Variants in DNAH8 observed in about 807,000 individuals in gnomAD.
DNAH8 encodes the protein axonemal beta dynein heavy chain 8.
In DNAH8, 382 loss-of-function variants were observed where a neutral mutation model predicts 562.1. That is an observed-to-expected ratio of 0.68 (90% CI 0.63 to 0.74). The LOEUF (loss-of-function observed/expected upper bound fraction) is 0.74. DNAH8 is among the 30% of genes least tolerant of loss of function. The pLI, the probability that DNAH8 is intolerant of heterozygous loss-of-function variation, is 0.00. For synonymous variants in DNAH8, 1,881 were observed against 1,919.4 expected, an observed-to-expected ratio of 0.98 and a Z score of 0.52; for missense variants, 5,203 against 5,620.4, an observed-to-expected ratio of 0.93 and a Z score of 2.37.
At chr6:38,788,027 TATAAG>T (rs1769342521) in intron 18 of DNAH8, among the ~76,000 whole-genome samples, 1 of 152,190 alleles carries the variant, frequency 6.6e-6, no homozygotes. Context: ...AAATATGAGT[TATAAG>T]ATAACTATAC....
At chr6:39,012,736 G>A (rs565264753) in intron 91 of DNAH8, 99 bp downstream of exon 91, 341 of 886,190 alleles carry the variant, frequency 3.8e-4, no homozygotes, top group Non-Finnish European at 5.5e-4. Context: ...ATATGGAGGC[G>A]TAGCTTGCTG....
chr6:38,873,102 G>A lies in DNAH8; in HGVS notation c.7434G>A (p.Met2478Ile). 1.9e-6 allele frequency: 3 copies of A among 1,613,886 alleles called. No homozygotes were observed. The highest frequency in any genetic ancestry group is 2.5e-6 in the Non-Finnish European group (3 of 1,179,982). The change falls in exon 51 of 93, where the codon ATG (methionine) becomes ATA (isoleucine). Residue 2478 changes from methionine (M) to isoleucine (I), a missense_variant. By Grantham distance (10) the Met-to-Ile change is conservative. Around this residue, in one of 6 missense-constraint regions of DNAH8, gnomAD observed 977 missense variants for 1,061.8 expected, o/e 0.92. Transcript: ENST00000327475. The stretch of plus-strand genomic sequence containing the variant: ...CTGCCACGGTTTCTAGGATGGGCAT[G>A]GTCTATATCAGCAGCTCTGCTCTCA... Reference protein sequence around the residue: ...ASPATVSRMGMVYISSSALSW... With the variant: ...ASPATVSRMGIVYISSSALSW...
intron 41 of DNAH8, among the ~76,000 whole-genome samples, chr6:38,856,893 T>C (rs1776247894): frequency 6.6e-6 from 1 of 152,122 alleles, no homozygotes; most frequent in Admixed American, 6.5e-5. Flanking sequence ...GGGTGGGGCA[T>C]GCTCAGACCA....
At chr6:38,983,973 G>A (rs567391463) in intron 86 of DNAH8, among the ~76,000 whole-genome samples, 116 of 152,004 alleles carry the variant, frequency 7.6e-4, no homozygotes, top group African/African-American at 2.5e-3. Flanking sequence ...AATAATATAC[G>A]TGCAATATAC....
chr6:38,751,256 T>C (rs1015714036), intron 9 of DNAH8, among the ~76,000 whole-genome samples: 5 of 152,176 alleles, frequency 3.3e-5, no homozygotes, highest in Non-Finnish European at 7.3e-5. Context: ...GCAACTTGCT[T>C]CCCTTGGAGT....
In DNAH8 at chr6:38,929,495, A is replaced by C; in HGVS notation, c.11119-16A>C. On this transcript the variant is annotated splice_polypyrimidine_tract_variant and intron_variant, in intron 74 of 92. Transcript: ENST00000327475. ...TCTTTGTAACACAGATAGACCAATG[A>C]GTTCTTTCTGTTTAGGTGACATCTC... is the stretch of plus-strand genomic sequence containing the variant. The C allele has an allele frequency of 6.2e-7, 1 of 1,602,074 alleles. No individual in the cohort carries two copies. Among genetic ancestry groups the C allele is most frequent in the African/African-American group, 1.3e-5 (1 of 74,540 alleles).
chr6:38,791,015 A>G (rs1769691088), intron 20 of DNAH8, among the ~76,000 whole-genome samples: 1 of 152,152 alleles, frequency 6.6e-6, no homozygotes, highest in African/African-American at 2.4e-5. Context: ...GTGCTTAAAT[A>G]TTAATATTAA....
chr6:38,793,544 T>A (rs1769951496), intron 21 of DNAH8, among the ~76,000 whole-genome samples: 1 of 152,226 alleles, frequency 6.6e-6, no homozygotes, highest in African/African-American at 2.4e-5. Flanking sequence ...GATTTTGTTC[T>A]TGTAAAGAAC....
chr6:38,759,677 C>A (rs7756407), intron 10 of DNAH8, among the ~76,000 whole-genome samples: 56 of 152,030 alleles, frequency 3.7e-4, no homozygotes, highest in Non-Finnish European at 6.2e-4. Context: ...AAGAACCCCC[C>A]ATTCTTGATA....
rs192199356 is a variant in DNAH8, at chr6:38,828,120, C to T, written c.4084-64C>T. On this transcript the variant is annotated intron_variant, in intron 29 of 92. Coordinates refer to ENST00000327475, the MANE Select transcript of DNAH8 (RefSeq NM_001206927.2). ...GACATAGGAATGTGTTTCTAGAAGG[C>T]GTCTAAATCATTTGGCAATGGCTTT... 4.8e-4 allele frequency: 468 copies of T among 978,876 alleles called. 1 individual carries two copies. In the African/African-American group the frequency reaches 6.5e-3, roughly 14 times the overall value. 60.6% of individuals were successfully genotyped at this position (978,876 alleles called of 1,614,324 possible).
chr6:38,947,840 T>C (rs1442776034), intron 80 of DNAH8, among the ~76,000 whole-genome samples: 4 of 152,000 alleles, frequency 2.6e-5, no homozygotes, highest in Non-Finnish European at 1.5e-5. Context: ...CTCCAGCTCC[T>C]GGGTTGAAAC....
chr6:38,805,575 TAAAG>T lies in DNAH8; in HGVS notation c.3132_3135del (p.Glu1045MetfsTer19). The T allele has an allele frequency of 1.9e-6, 3 of 1,562,082 alleles. No individual in the cohort carries two copies. The highest frequency in any genetic ancestry group is 2.6e-6 in the Non-Finnish European group (3 of 1,133,300). On this transcript the variant is annotated frameshift_variant, in exon 23 of 93. Coordinates refer to ENST00000327475, the MANE Select transcript of DNAH8 (RefSeq NM_001206927.2). LOFTEE classifies it high-confidence loss of function. Reference sequence around the variant, plus strand: ...TTGTGAATGAGTTTGATACTCATGATAAAGAAGATGAATTTAAAAAGGTATTTAT... The same window carrying T: ...TTGTGAATGAGTTTGATACTCATGATAAGATGAATTTAAAAAGGTATTTAT...
At chr6:39,011,364 G>A (rs530607996) in intron 89 of DNAH8, among the ~76,000 whole-genome samples, 1 of 152,272 alleles carries the variant, frequency 6.6e-6, no homozygotes, top group Non-Finnish European at 1.5e-5. Flanking sequence ...CCTTTGGATT[G>A]ATACCTCACT....
chr6:38,927,853 A>G (rs1282559507), intron 74 of DNAH8, among the ~76,000 whole-genome samples: 1 of 152,200 alleles, frequency 6.6e-6, no homozygotes, highest in Non-Finnish European at 1.5e-5. Context: ...TTGTGGAAGG[A>G]ATAGAAATAT....
chr6:38,914,095 A>T, intron 67 of DNAH8, 143 bp downstream of exon 67: 1 of 620,728 alleles, frequency 1.6e-6, no homozygotes, highest in South Asian at 2.2e-5. Flanking sequence ...ACCATTAGAC[A>T]TTTTTGTTTA....
Position 39,012,200 on chromosome 6 carries a change from T to A in DNAH8, c.13372-15T>A, listed in dbSNP as rs201333384. 616 of 1,580,108 alleles carry A rather than the reference T, an allele frequency of 3.9e-4. 3 individuals carry two copies. The African/African-American group carries it at 4.3e-3, about 11-fold the overall frequency. Reference sequence around the variant, plus strand: ...TGAGAAAATCTCCTTTATTGCATTGTTTACTTTGTTTTAGGTGAAATCTCG... The same window carrying A: ...TGAGAAAATCTCCTTTATTGCATTGATTACTTTGTTTTAGGTGAAATCTCG... On this transcript the variant is annotated splice_polypyrimidine_tract_variant and intron_variant, in intron 89 of 92. Transcript: ENST00000327475.
At chr6:38,747,046 A>C (rs1765004002) in intron 8 of DNAH8, among the ~76,000 whole-genome samples, 2 of 151,988 alleles carry the variant, frequency 1.3e-5, no homozygotes, top group South Asian at 4.2e-4. Context: ...GTTAACTTGG[A>C]ATTTATTTGT....
At chr6:39,003,656 C>T (rs1292668136) in intron 88 of DNAH8, among the ~76,000 whole-genome samples, 1 of 151,814 alleles carries the variant, frequency 6.6e-6, no homozygotes, top group East Asian at 1.9e-4. Flanking sequence ...TTCTATAATC[C>T]CCCAATGACA....
At chr6:39,003,131 T>G (rs532551788) in intron 88 of DNAH8, among the ~76,000 whole-genome samples, 2 of 152,206 alleles carry the variant, frequency 1.3e-5, no homozygotes, top group Non-Finnish European at 2.9e-5. Context: ...TGGTTAACTT[T>G]CCCAGCAGCC....
Sources: gnomAD v4.1 joint callset for allele counts (sites outside exome capture counted in the v4.1 genomes callset) on GRCh38, gnomAD v4.1.1 for gene constraint, gnomAD v4.1.1 regional missense constraint, MANE v1.5 for transcripts, NCBI Gene and HGNC (gene_info 2026-07-23, HGNC 2026-07-21) for gene names.